The following HPN variants were observed in gnomAD, a reference collection of about 807,000 sequenced individuals.
HPN encodes the protein serine protease hepsin.
In HPN, 13 loss-of-function variants were observed where a neutral mutation model predicts 55.9. The observed-to-expected ratio is 0.23, with a 90% CI of 0.15 to 0.37. HPN has a LOEUF of 0.37. Among genes scored for constraint, HPN ranks in the 10% least tolerant of loss-of-function variants. HPN has a pLI of 1.00. For missense variants in HPN, 451 were observed against 575.8 expected (o/e 0.78, Z 2.22); for synonymous variants, 225 against 240.3 (o/e 0.94, Z 0.59).
In HPN at chr19:35,062,934, G is replaced by A. The variant is rs565104726; in HGVS notation, c.811+2117G>A. Among the ~76,000 whole-genome samples the A allele has an allele frequency of 8.7e-4, 132 of 152,188 alleles. 1 individual carries two copies. The highest frequency in any genetic ancestry group is 3.0e-3 in the African/African-American group (125 of 41,526). ...ATGATGATCATGAAGTAGTAATAGC[G>A]AGTAGTATTCGAGTTCATGATTGAG... On this transcript the variant is annotated intron_variant, in intron 9 of 12. Transcript: ENST00000672452.
intron 2 of HPN, among the ~76,000 whole-genome samples, chr19:35,048,080 G>GAAAGAAAGAAAGAAAGAAAGAAAGAA (rs1555722997): frequency 4.9e-4 from 18 of 36,432 alleles, no homozygotes; most frequent in African/African-American, 1.1e-3. Flanking sequence ...AAGAAAGAAA[G>GAAAGAAAGAAAGAAAGAAAGAAAGAA]AAAAGGAAGG....
intron 2 of HPN, among the ~76,000 whole-genome samples, chr19:35,048,028 A>AGAAAGAAAGAAAG (rs150953006): frequency 4.7e-4 from 41 of 87,390 alleles, no homozygotes; most frequent in African/African-American, 5.2e-4. Context: ...GAGAGAGAGA[A>AGAAAGAAAGAAAG]AAAGAAAGAA....
At chr19:35,064,909 C>T (rs2064585462) in intron 9 of HPN, among the ~76,000 whole-genome samples, 1 of 152,122 alleles carries the variant, frequency 6.6e-6, no homozygotes, top group African/African-American at 2.4e-5. Context: ...GCAACCTCCA[C>T]CTCCTGGGTT....
At chr19:35,054,434 A>C (rs952356482) in intron 4 of HPN, among the ~76,000 whole-genome samples, 6 of 150,528 alleles carry the variant, frequency 4.0e-5, no homozygotes, top group South Asian at 2.1e-4. Context: ...AAAAAAAAAA[A>C]CCGAAGTGGT....
At chr19:35,053,163 CA>C (rs2064421388) in intron 4 of HPN, among the ~76,000 whole-genome samples, 1 of 152,090 alleles carries the variant, frequency 6.6e-6, no homozygotes, top group Admixed American at 6.6e-5. Flanking sequence ...AAGTGAGAAA[CA>C]GCAGCAGAGA....
chr19:35,061,518 C>T (rs1222992230), intron 9 of HPN, among the ~76,000 whole-genome samples: 2 of 151,796 alleles, frequency 1.3e-5, no homozygotes, highest in East Asian at 1.9e-4. Flanking sequence ...CTCTTGAACC[C>T]GGGAGGTGGA....
intron 9 of HPN, among the ~76,000 whole-genome samples, chr19:35,063,348 T>A (rs1243993150): frequency 6.6e-6 from 1 of 152,246 alleles, no homozygotes; most frequent in Non-Finnish European, 1.5e-5. Flanking sequence ...ATTTTTATGT[T>A]TATTTTATTT....
chr19:35,060,290 C>T (rs1050493989), intron 7 of HPN, 57 bp from the exon 8 acceptor site: 1 of 1,607,538 alleles, frequency 6.2e-7, no homozygotes, highest in South Asian at 1.1e-5. Context: ...AGCCTGGGCT[C>T]TGGGGACCTG....
In HPN at chr19:35,065,343, A is replaced by T. The variant is rs563050107; in HGVS notation, c.905A>T (p.Tyr302Phe). The change falls in exon 10 of 13, where the codon TAT becomes TTT. Residue 302 changes from tyrosine to phenylalanine, a missense_variant and splice_region_variant. Tyr to Phe is a conservative substitution (Grantham distance 22). This residue lies in a region of HPN where 378 missense variants were observed against 445.5 expected (regional missense o/e 0.85). Coordinates refer to ENST00000672452, the MANE Select transcript of HPN (RefSeq NM_001384133.1). The part of the protein sequence containing the change: ...TVTGWGNTQY[Y>F]GQQAGVLQEA... ...ACGGGCTGGGGCAACACGCAGTACT[A>T]TGGTGAGTCCTGTCCTCTGCCTCTG... 3.7e-6 allele frequency: 6 copies of T among 1,612,254 alleles called. No individual in the cohort carries two copies. The South Asian group carries it at 6.6e-5, about 18-fold the overall frequency.
At chr19:35,058,041 C>T (rs1469590815) in intron 4 of HPN, among the ~76,000 whole-genome samples, 1 of 149,504 alleles carries the variant, frequency 6.7e-6, no homozygotes, top group Non-Finnish European at 1.5e-5. Flanking sequence ...TAATCCCAGC[C>T]ACTCGGGAGG....
chr19:35,060,605 C>T (rs1430991288), intron 8 of HPN, 22 bp from the exon 9 acceptor site: 2 of 1,613,046 alleles, frequency 1.2e-6, no homozygotes. Flanking sequence ...AGGTGGCCAC[C>T]CTCCACCCCT....
chr19:35,059,575 C>T, intron 4 of HPN, 98 bp from the exon 5 acceptor site: 1 of 1,471,988 alleles, frequency 6.8e-7, no homozygotes. Context: ...GTCTACACCA[C>T]ATGGCTGGAG....
chr19:35,058,513 T>A (rs1274954801), intron 4 of HPN, among the ~76,000 whole-genome samples: 2 of 147,266 alleles, frequency 1.4e-5, no homozygotes, highest in African/African-American at 2.5e-5. Flanking sequence ...AATAATAATA[T>A]ATTAATATTA....
intron 4 of HPN, among the ~76,000 whole-genome samples, chr19:35,054,205 G>A (rs113386264): frequency 0.075 from 11,471 of 152,194 alleles, 450 homozygotes; most frequent in African/African-American, 0.093. Flanking sequence ...ATCACCTGAG[G>A]CCAGAAGTTT....
In HPN at chr19:35,065,332, C is replaced by T. The variant is rs370959656; in HGVS notation, c.894C>T (p.Asn298=). The change falls in exon 10 of 13, where the codon AAC becomes AAT. Residue 298 remains asparagine (N), a synonymous_variant. Coordinates refer to ENST00000672452, the MANE Select transcript of HPN (RefSeq NM_001384133.1). ...GKICTVTGWG[N]TQYYGQQAGV... is the part of the protein sequence containing the mutation. ...TCTGTACCGTGACGGGCTGGGGCAA[C>T]ACGCAGTACTATGGTGAGTCCTGTC... 3 of 1,613,526 alleles carry T rather than the reference C, an allele frequency of 1.9e-6. No homozygotes were observed. Among genetic ancestry groups the T allele is most frequent in the African/African-American group, 2.7e-5 (2 of 74,896 alleles).
At chr19:35,047,240 A>G (rs970043356) in intron 2 of HPN, among the ~76,000 whole-genome samples, 5 of 152,084 alleles carry the variant, frequency 3.3e-5, no homozygotes, top group South Asian at 2.1e-4. Flanking sequence ...ACCTTCCCCA[A>G]GCTCTGGCCA....
At chr19:35,053,986 G>GT (rs1194574634) in intron 4 of HPN, among the ~76,000 whole-genome samples, 1 of 152,228 alleles carries the variant, frequency 6.6e-6, no homozygotes, top group Non-Finnish European at 1.5e-5. Flanking sequence ...ACAGGCAAGG[G>GT]TTTGTATGAG....
chr19:35,060,239 G>A (rs1400253801), intron 7 of HPN, 70 bp downstream of exon 7: 2 of 1,606,886 alleles, frequency 1.2e-6, no homozygotes, highest in Non-Finnish European at 1.7e-6. Flanking sequence ...AAGCTCCCCA[G>A]GATGGGGCCA....
intron 4 of HPN, among the ~76,000 whole-genome samples, chr19:35,055,134 A>G (rs550810887): frequency 7.9e-5 from 12 of 152,284 alleles, no homozygotes; most frequent in Admixed American, 1.3e-4. Context: ...ATATAGCAAT[A>G]CCCTGTCTCT....
Sources: gnomAD v4.1 joint callset for allele counts (sites outside exome capture counted in the v4.1 genomes callset) on GRCh38, gnomAD v4.1.1 for gene constraint, gnomAD v4.1.1 regional missense constraint, MANE v1.5 for transcripts, NCBI Gene and HGNC (gene_info 2026-07-23, HGNC 2026-07-21) for gene names.